Variants in SLC44A5 observed in about 807,000 individuals in gnomAD.
The protein encoded by SLC44A5 is choline transporter-like protein 5.
In SLC44A5, 57 loss-of-function variants were observed where a neutral mutation model predicts 101.8. The ratio of observed to expected loss-of-function variants is 0.56; its 90% CI spans 0.45 to 0.70. SLC44A5 has a LOEUF of 0.70. Among genes scored for constraint, SLC44A5 ranks in the 30% least tolerant of loss-of-function variants. The probability of loss-of-function intolerance (pLI) is 0.00; values close to 1 mark genes in which losing one functional copy is unlikely to be tolerated. For missense variants in SLC44A5, 737 were observed against 853.1 expected (o/e 0.86, Z 1.70); for synonymous variants, 281 against 290.9 (o/e 0.97, Z 0.35).
intron 13 of SLC44A5, among the ~76,000 whole-genome samples, chr1:75,225,209 A>T (rs937940149): frequency 6.6e-6 from 1 of 152,186 alleles, no homozygotes; most frequent in African/African-American, 2.4e-5. Context: ...AACTCCTGCC[A>T]TTGTATTACA....
chr1:75,548,211 CTT>C (rs1253881751), intron 1 of SLC44A5, among the ~76,000 whole-genome samples: 1 of 152,040 alleles, frequency 6.6e-6, no homozygotes, highest in Non-Finnish European at 1.5e-5. Flanking sequence ...TTAAGGAGGA[CTT>C]AGTCTAATCT....
the SLC44A5 span, among the ~76,000 whole-genome samples, chr1:75,705,418 G>A: frequency 2.0e-5 from 3 of 152,152 alleles, no homozygotes; most frequent in African/African-American, 4.8e-5. Flanking sequence ...AGAGCTTGAG[G>A]CAGTGTGGTT....
intron 6 of SLC44A5, among the ~76,000 whole-genome samples, chr1:75,267,081 A>G (rs1231218565): frequency 6.6e-6 from 1 of 152,170 alleles, no homozygotes; most frequent in African/African-American, 2.4e-5. Flanking sequence ...TGAAGAAGAA[A>G]TCTGTGCCTT....
intron 1 of SLC44A5, among the ~76,000 whole-genome samples, chr1:75,548,088 T>C (rs573553716): frequency 9.9e-4 from 151 of 152,276 alleles, no homozygotes; most frequent in Admixed American, 2.4e-3. Context: ...TTTATTTTCA[T>C]AAAATCCAGA....
intron 6 of SLC44A5, among the ~76,000 whole-genome samples, chr1:75,256,362 T>C (rs1284039463): frequency 6.6e-6 from 1 of 152,102 alleles, no homozygotes; most frequent in Non-Finnish European, 1.5e-5. Flanking sequence ...ATGAAGGCTA[T>C]CCAAGAAAAA....
the SLC44A5 span, among the ~76,000 whole-genome samples, chr1:75,716,037 G>A: frequency 5.3e-5 from 8 of 152,114 alleles, no homozygotes; most frequent in South Asian, 2.1e-4. Flanking sequence ...AGAGAGACAC[G>A]TGGCCAACAA....
intron 10 of SLC44A5, among the ~76,000 whole-genome samples, chr1:75,237,661 T>C (rs904777312): frequency 4.6e-5 from 7 of 152,146 alleles, no homozygotes; most frequent in African/African-American, 1.4e-4. Flanking sequence ...TTACTAATTA[T>C]ATATGCATCA....
At chr1:75,305,074 A>G (rs1321273216) in intron 4 of SLC44A5, among the ~76,000 whole-genome samples, 2 of 152,232 alleles carry the variant, frequency 1.3e-5, no homozygotes, top group Non-Finnish European at 2.9e-5. Flanking sequence ...TAAAAGAATA[A>G]GAATAGGATT....
At chr1:75,673,137 C>A in the SLC44A5 span, among the ~76,000 whole-genome samples, 2 of 152,090 alleles carry the variant, frequency 1.3e-5, no homozygotes, top group African/African-American at 4.8e-5. Context: ...GGTAGAGCAC[C>A]AACTGGGCTC....
the SLC44A5 span, among the ~76,000 whole-genome samples, chr1:75,684,821 A>G: frequency 6.6e-6 from 1 of 152,052 alleles, no homozygotes; most frequent in Non-Finnish European, 1.5e-5. Flanking sequence ...ACCATTCCGG[A>G]GTCTGAAGGA....
intron 6 of SLC44A5, among the ~76,000 whole-genome samples, chr1:75,252,496 G>A (rs374995839): frequency 4.6e-5 from 7 of 152,070 alleles, no homozygotes; most frequent in East Asian, 1.9e-4. Flanking sequence ...CAGTGGAGTC[G>A]GCAGGATACA....
At chr1:75,574,725 G>A (rs570644742) in intron 1 of SLC44A5, among the ~76,000 whole-genome samples, 3 of 152,046 alleles carry the variant, frequency 2.0e-5, no homozygotes. Flanking sequence ...CCTCTCTTTG[G>A]TCCAGTCATT....
At chr1:75,445,164 C>A (rs758472967) in intron 2 of SLC44A5, among the ~76,000 whole-genome samples, 5 of 151,942 alleles carry the variant, frequency 3.3e-5, no homozygotes, top group Non-Finnish European at 7.4e-5. Context: ...GGAGTGGATC[C>A]CTCATGAATG....
At position 75,376,259 on chromosome 1, in the gene SLC44A5, G is replaced by A. The variant is rs570000136; in HGVS notation, c.52+20324C>T. Among the ~76,000 whole-genome samples, 695 of 152,348 alleles carry A rather than the reference G, an allele frequency of 4.6e-3. 5 individuals carry two copies. The highest frequency in any genetic ancestry group is 0.02 in the Middle Eastern group (6 of 294). ...CTGCAAGGCGGCAGCGAGGCTGGGG[G>A]AGGGGCGCCCGCCATTGCCCAGGCT... On this transcript the variant is annotated intron_variant, in intron 3 of 23. Coordinates refer to ENST00000370859, the MANE Select transcript of SLC44A5 (RefSeq NM_001130058.2).
chr1:75,639,392 T>A, the SLC44A5 span, among the ~76,000 whole-genome samples: 1 of 152,118 alleles, frequency 6.6e-6, no homozygotes, highest in Non-Finnish European at 1.5e-5. Flanking sequence ...TAATAAAGCC[T>A]TCTTTACTTT....
At chr1:75,219,686 A>T (rs1647036401) in intron 15 of SLC44A5, 114 bp downstream of exon 15, 1 of 669,558 alleles carries the variant, frequency 1.5e-6, no homozygotes, top group South Asian at 2.0e-5. Flanking sequence ...AAAAATAGTT[A>T]TTTCTTAGTA....
chr1:75,308,995 C>T (rs1655105138), intron 4 of SLC44A5, among the ~76,000 whole-genome samples: 4 of 152,094 alleles, frequency 2.6e-5, no homozygotes, highest in African/African-American at 9.7e-5. Flanking sequence ...TAGAAAATTG[C>T]AAGCCCTTTG....
At chr1:75,391,232 T>C (rs967356017) in intron 3 of SLC44A5, among the ~76,000 whole-genome samples, 2 of 152,300 alleles carry the variant, frequency 1.3e-5, no homozygotes, top group East Asian at 1.9e-4. Context: ...AAATATTCCT[T>C]GCACATAGAT....
intron 4 of SLC44A5, among the ~76,000 whole-genome samples, chr1:75,335,920 C>T (rs1459683866): frequency 6.6e-6 from 1 of 152,172 alleles, no homozygotes; most frequent in Non-Finnish European, 1.5e-5. Context: ...GCAGCCTTTG[C>T]TGTGGACCAC....
Sources: gnomAD v4.1 joint callset for allele counts (sites outside exome capture counted in the v4.1 genomes callset) on GRCh38, gnomAD v4.1.1 for gene constraint, MANE v1.5 for transcripts, NCBI Gene and HGNC (gene_info 2026-07-23, HGNC 2026-07-21) for gene names.